Variants in CALN1 observed in about 807,000 individuals in gnomAD.
CALN1 encodes calneuron 1.
A neutral mutation model predicts 30.6 loss-of-function variants in CALN1; 17 were observed. The observed-to-expected ratio is 0.56, with a 90% CI of 0.38 to 0.83. CALN1 has a LOEUF of 0.83. CALN1 is among the 40% of genes least tolerant of loss of function. The pLI, the probability that CALN1 is intolerant of heterozygous loss-of-function variation, is 0.00. For synonymous variants in CALN1, 156 were observed against 131.4 expected (o/e 1.19, Z -1.28); for missense variants, 291 against 354.9 (o/e 0.82, Z 1.45).
chr7:71,865,445 C>T (rs1400425145), intron 5 of CALN1, among the ~76,000 whole-genome samples: 1 of 152,210 alleles, frequency 6.6e-6, no homozygotes, highest in Non-Finnish European at 1.5e-5. Context: ...TCCTGTACAG[C>T]CTACAGAACC....
intron 3 of CALN1, among the ~76,000 whole-genome samples, chr7:72,242,692 A>G (rs963717033): frequency 5.3e-5 from 8 of 152,168 alleles, no homozygotes; most frequent in Admixed American, 4.6e-4. Context: ...GTTTGAGACC[A>G]GCCTGTCCAA....
chr7:72,322,860 C>G (rs1414048043), intron 2 of CALN1, among the ~76,000 whole-genome samples: 2 of 151,946 alleles, frequency 1.3e-5, no homozygotes, highest in Non-Finnish European at 2.9e-5. Flanking sequence ...ATATACCCCA[C>G]TTACCCTGAC....
intron 3 of CALN1, among the ~76,000 whole-genome samples, chr7:72,215,471 G>A (rs1280971428): frequency 6.6e-6 from 1 of 151,878 alleles, no homozygotes; most frequent in Non-Finnish European, 1.5e-5. Context: ...GCGCATGCCT[G>A]TAATCCCAGC....
intron 3 of CALN1, among the ~76,000 whole-genome samples, chr7:72,119,016 T>G (rs1313829813): frequency 6.6e-6 from 1 of 152,238 alleles, no homozygotes; most frequent in Non-Finnish European, 1.5e-5. Flanking sequence ...AAAAATGATA[T>G]ATATTTTGGA....
chr7:72,054,397 A>C lies in CALN1; in HGVS notation c.389-30628T>G, dbSNP rs1584841011. Reference sequence around the variant, plus strand: ...TTCTGTATGCTTGTTGGCTGCATATATGTACATATATATATATATACGTGT... The same window carrying C: ...TTCTGTATGCTTGTTGGCTGCATATCTGTACATATATATATATATACGTGT... On this transcript the variant is annotated intron_variant, in intron 4 of 6. Transcript: ENST00000395275. Among the ~76,000 whole-genome samples, 5 of 58,116 alleles carry C rather than the reference A, an allele frequency of 8.6e-5. No individual in the cohort carries two copies. The South Asian group carries it at 4.1e-3, about 48-fold the overall frequency. 38.1% of individuals were successfully genotyped at this position (58,116 alleles called of 152,430 possible). A position where few individuals can be genotyped will look rare whatever the true frequency, so the allele number is the denominator to read the frequency against.
chr7:72,183,124 T>A (rs911527365), intron 3 of CALN1, among the ~76,000 whole-genome samples: 3 of 152,098 alleles, frequency 2.0e-5, no homozygotes, highest in African/African-American at 7.2e-5. Flanking sequence ...AATGCAGTGG[T>A]GTGATCTCGG....
chr7:72,348,349 G>A lies in CALN1; in HGVS notation c.119+54902C>T, dbSNP rs183925474. ...TCTACCTGGAGATCGTTTCTGTATCGCTGCAGAGGAAAAGGAAGCCAAACA... is the reference window on the plus strand; with the variant it reads ...TCTACCTGGAGATCGTTTCTGTATCACTGCAGAGGAAAAGGAAGCCAAACA... On this transcript the variant is annotated intron_variant, in intron 2 of 6. Transcript: ENST00000395275. Among the ~76,000 whole-genome samples, 390 of 152,142 alleles carry A rather than the reference G, an allele frequency of 2.6e-3. 6 individuals carry two copies. Among genetic ancestry groups the A allele is most frequent in the Admixed American group, 0.023 (356 of 15,270 alleles).
chr7:72,178,916 T>C (rs1388881902), intron 3 of CALN1, among the ~76,000 whole-genome samples: 2 of 152,196 alleles, frequency 1.3e-5, no homozygotes, highest in Non-Finnish European at 1.5e-5. Flanking sequence ...GGGTTTTCCG[T>C]GTTTTCAATA....
At chr7:72,048,190 C>T (rs1043881441) in intron 4 of CALN1, among the ~76,000 whole-genome samples, 2 of 151,968 alleles carry the variant, frequency 1.3e-5, no homozygotes, top group African/African-American at 4.8e-5. Flanking sequence ...CAGGTGTATG[C>T]CATCGCACCC....
intron 2 of CALN1, among the ~76,000 whole-genome samples, chr7:72,330,162 G>A (rs1436533419): frequency 8.6e-5 from 13 of 151,326 alleles, no homozygotes; most frequent in African/African-American, 1.7e-4. Context: ...GCGTGGTGGC[G>A]GGCGCCTGTA....
intron 3 of CALN1, among the ~76,000 whole-genome samples, chr7:72,134,909 A>T (rs1470014934): frequency 6.6e-6 from 1 of 152,238 alleles, no homozygotes; most frequent in Non-Finnish European, 1.5e-5. Context: ...TTATGTAAAG[A>T]ATATGCTGAT....
rs1374143289 is a variant in CALN1, at chr7:72,403,359, G to T, written c.11C>A (p.Pro4Gln). The stretch of plus-strand genomic sequence containing the variant: ...GGGCTTCCCCTCTCCGGGTTGCTCT[G>T]GCAGCCGCATCGGGGGTCCAGGGCG... The part of the protein sequence containing the change: MRL[P>Q]EQPGEGKPEN... The change falls in exon 2 of 7, where the codon CCA becomes CAA. Residue 4 changes from proline (P) to glutamine (Q), a missense_variant. Pro to Gln is a moderately conservative substitution (Grantham distance 76). Transcript: ENST00000395275. 4 of 1,547,452 alleles carry T rather than the reference G, an allele frequency of 2.6e-6. No individual in the cohort carries two copies. The East Asian group carries it at 9.8e-5, about 38-fold the overall frequency.
intron 2 of CALN1, among the ~76,000 whole-genome samples, chr7:72,384,485 A>C (rs1197735292): frequency 2.0e-5 from 3 of 152,152 alleles, no homozygotes; most frequent in Non-Finnish European, 2.9e-5. Flanking sequence ...AAATTAATTC[A>C]AAATGGGGCT....
chr7:72,174,396 G>C (rs1262539209), intron 3 of CALN1, among the ~76,000 whole-genome samples: 1 of 152,080 alleles, frequency 6.6e-6, no homozygotes, highest in Admixed American at 6.6e-5. Flanking sequence ...TTACCCAAGA[G>C]AAATGGAAAC....
intron 2 of CALN1, among the ~76,000 whole-genome samples, chr7:72,391,454 G>A (rs917683201): frequency 1.4e-5 from 2 of 146,904 alleles, no homozygotes; most frequent in Non-Finnish European, 3.0e-5. Flanking sequence ...GCTAGGACCA[G>A]GCAGCAAAAG....
intron 3 of CALN1, among the ~76,000 whole-genome samples, chr7:72,249,998 C>T (rs1004581118): frequency 6.7e-6 from 1 of 149,740 alleles, no homozygotes; most frequent in Admixed American, 6.7e-5. Flanking sequence ...CCTCAGTGAA[C>T]CATGCTGATC....
intron 3 of CALN1, among the ~76,000 whole-genome samples, chr7:72,228,629 T>C (rs1252858789): frequency 6.6e-6 from 1 of 151,902 alleles, no homozygotes; most frequent in African/African-American, 2.4e-5. Flanking sequence ...CAATAACTGA[T>C]GTTGTACAAT....
chr7:71,910,253 A>G (rs953277132), intron 5 of CALN1, among the ~76,000 whole-genome samples: 4 of 152,206 alleles, frequency 2.6e-5, no homozygotes, highest in Non-Finnish European at 5.9e-5. Flanking sequence ...AGAGTTTGCC[A>G]TGGTGGGGAA....
intron 3 of CALN1, among the ~76,000 whole-genome samples, chr7:72,189,299 C>A (rs1055520493): frequency 1.1e-4 from 17 of 152,090 alleles, no homozygotes; most frequent in Admixed American, 5.2e-4. Context: ...AAGTAATATC[C>A]GTGTATTGTT....
Sources: gnomAD v4.1 joint callset for allele counts (sites outside exome capture counted in the v4.1 genomes callset) on GRCh38, gnomAD v4.1.1 for gene constraint, MANE v1.5 for transcripts, NCBI Gene and HGNC (gene_info 2026-07-23, HGNC 2026-07-21) for gene names.